UBQLN4: variants seen among roughly 807,000 people sequenced by gnomAD.
The protein encoded by UBQLN4 is ubiquilin-4.
Under a neutral mutation model 60.4 loss-of-function variants are expected in UBQLN4, and 11 were observed. The observed-to-expected ratio is 0.18, with a 90% CI of 0.11 to 0.30. The LOEUF is 0.30. Among genes scored for constraint, UBQLN4 ranks in the 10% least tolerant of loss-of-function variants. The pLI is 1.00. For synonymous variants in UBQLN4, 258 were observed against 313.1 expected (o/e 0.82, Z 1.86); for missense variants, 417 against 795.5 (o/e 0.52, Z 5.72).
rs1280206094 is a variant in UBQLN4 at position 156,048,851 on chromosome 1, C to T, written c.742-192G>A. Among the ~76,000 whole-genome samples the T allele has an allele frequency of 6.6e-6, 1 of 152,176 alleles. No homozygotes were observed. The highest frequency in any genetic ancestry group is 1.5e-5 in the Non-Finnish European group (1 of 68,024). ...TAATCTTGGCTCCAAGCCCGCCTCC[C>T]TGTGGGTATTTTGGTTGGCTTTTTC... On this transcript the variant is annotated intron_variant, in intron 4 of 10. Transcript: ENST00000368309. This position sits in a 1 kb window ranked among gnomAD's most constrained non-coding sequence, Gnocchi z 4.9.
downstream of UBQLN4, chr1:156,033,165 G>A: frequency 2.1e-6 from 2 of 971,110 alleles, no homozygotes; most frequent in South Asian, 9.5e-5. Context: ...GTCAGTGGAG[G>A]AAAACAAGGC....
At chr1:156,046,986 G>A (rs1459002094) in intron 5 of UBQLN4, among the ~76,000 whole-genome samples, 1 of 152,162 alleles carries the variant, frequency 6.6e-6, no homozygotes, top group East Asian at 1.9e-4. Flanking sequence ...CAGCATACTA[G>A]TTACCTCTGG....
In UBQLN4 at chr1:156,050,150, G is replaced by T; in HGVS notation, c.741+141C>A. The T allele has an allele frequency of 8.4e-7, 1 of 1,183,514 alleles. No homozygotes were observed. The highest frequency in any genetic ancestry group is 1.1e-6 in the Non-Finnish European group (1 of 882,552). 73.3% of individuals were successfully genotyped at this position (1,183,514 alleles called of 1,614,324 possible). A position where few individuals can be genotyped will look rare whatever the true frequency, so the allele number is the denominator to read the frequency against. On this transcript the variant is annotated intron_variant, in intron 4 of 10. Transcript: ENST00000368309. This position sits in a 1 kb window ranked among gnomAD's most constrained non-coding sequence, Gnocchi z 4.6. ...CTGGAATTCCTGAAAAGCTAGGCCT[G>T]TCTTTTCATCCCTGTACCTCCAGTG...
chr1:156,042,528 C>G (rs1683595422), intron 7 of UBQLN4: 1 of 1,142,526 alleles, frequency 8.8e-7, no homozygotes, highest in Non-Finnish European at 1.2e-6. Context: ...ATGTTCTAAG[C>G]ACTTAACGTG....
intron 10 of UBQLN4, among the ~76,000 whole-genome samples, chr1:156,040,780 C>T (rs115819641): frequency 5.8e-4 from 89 of 152,316 alleles, no homozygotes; most frequent in Non-Finnish European, 8.8e-4. Flanking sequence ...TGGGTTGCAC[C>T]TGGACTGGAC....
chr1:156,040,440 C>A (rs1683531880), intron 10 of UBQLN4, among the ~76,000 whole-genome samples: 1 of 105,640 alleles, frequency 9.5e-6, no homozygotes, highest in African/African-American at 3.2e-5. Context: ...ACAGTCCACA[C>A]ATTTTTTTTT....
chr1:156,033,298 A>G, downstream of UBQLN4: 2 of 985,428 alleles, frequency 2.0e-6, no homozygotes, highest in African/African-American at 1.7e-5. Flanking sequence ...CCAGAAGAGC[A>G]GAGTGTAATC....
At chr1:156,052,700 G>A (rs1202196942) in intron 1 of UBQLN4, among the ~76,000 whole-genome samples, 1 of 152,180 alleles carries the variant, frequency 6.6e-6, no homozygotes, top group Non-Finnish European at 1.5e-5. Context: ...CAGAACTCAG[G>A]TCTTGACACC....
At chr1:156,047,394 C>T (rs1286941334) in intron 5 of UBQLN4, among the ~76,000 whole-genome samples, 2 of 151,724 alleles carry the variant, frequency 1.3e-5, no homozygotes, top group Non-Finnish European at 2.9e-5. Flanking sequence ...CAGGCATGTG[C>T]CATCATGCCC....
At chr1:156,032,001 A>AAATATGAACAAGCAGGATTGTTCT (rs1683306506), downstream of UBQLN4, among the ~76,000 whole-genome samples, 1 of 152,060 alleles carries the variant, frequency 6.6e-6, no homozygotes, top group South Asian at 2.1e-4. Flanking sequence ...AGGATTGTTC[A>AAATATGAACAAGCAGGATTGTTCT]AATATGAACA....
rs1171986770 is a variant in UBQLN4, at chr1:156,051,226, G to A, written c.362C>T (p.Pro121Leu). The A allele has an allele frequency of 6.2e-7, 1 of 1,607,042 alleles. No homozygotes were observed. Among genetic ancestry groups the A allele is most frequent in the Non-Finnish European group, 8.5e-7 (1 of 1,176,638 alleles). ...TGAAGAGGCACTGCCAGAGGTGGAG[G>A]GCTGGGCAGGGGTGGCGGGTGAAGC... ...TPASPATPAQPSTSGSASSDA... is the reference protein window; with the variant it reads ...TPASPATPAQLSTSGSASSDA... Residue 121 changes from proline to leucine, a missense_variant, in exon 3 of 11, where the codon CCC becomes CTC. Transcript: ENST00000368309.
In UBQLN4 at chr1:156,036,439, G is replaced by C; in HGVS notation, c.*539C>G. 1 of 985,866 alleles carries C rather than the reference G, an allele frequency of 1.0e-6. No individual in the cohort carries two copies. The highest frequency in any genetic ancestry group is 1.2e-6 in the Non-Finnish European group (1 of 830,200). The allele number at this position is 985,866 out of a possible 1,614,324, so 61.1% of individuals were successfully genotyped here. The stretch of plus-strand genomic sequence containing the variant: ...CCAACAGTTCCCACCAAAAAGTGCT[G>C]AATGAACCAGAATAGGGGCCGAGAA... On this transcript the variant is annotated 3_prime_UTR_variant, in exon 11 of 11. Transcript: ENST00000368309.
Position 156,035,504 on chromosome 1 carries a change from A to G in UBQLN4, c.*1474T>C, listed in dbSNP as rs1683377538. On this transcript the variant is annotated 3_prime_UTR_variant, in exon 11 of 11. Transcript: ENST00000368309. The stretch of plus-strand genomic sequence containing the variant: ...GGCCAAGTAGGAGAGGGAAGAGGTG[A>G]TATGAGCCTCCTCTGTGCTCTGACA... 2 of 985,296 alleles carry G rather than the reference A, an allele frequency of 2.0e-6. No homozygotes were observed. Among genetic ancestry groups the G allele is most frequent in the African/African-American group, 3.5e-5 (2 of 57,190 alleles). 61.0% of individuals were successfully genotyped at this position (985,296 alleles called of 1,614,324 possible).
chr1:156,032,103 A>C (rs1683307961), downstream of UBQLN4, among the ~76,000 whole-genome samples: 1 of 150,948 alleles, frequency 6.6e-6, no homozygotes, highest in Non-Finnish European at 1.5e-5. Flanking sequence ...TCTGCCGCCC[A>C]GCGACTCTCC....
chr1:156,040,812 G>A (rs995245958), intron 10 of UBQLN4, among the ~76,000 whole-genome samples: 1 of 152,176 alleles, frequency 6.6e-6, no homozygotes, highest in African/African-American at 2.4e-5. Flanking sequence ...TAGCTCTCTC[G>A]TGCCTTGCAC....
In UBQLN4 at chr1:156,051,140, C is replaced by T; in HGVS notation, c.448G>A (p.Gly150Arg). The T allele has an allele frequency of 6.2e-7, 1 of 1,612,960 alleles. No individual in the cohort carries two copies. The highest frequency in any genetic ancestry group is 8.5e-7 in the Non-Finnish European group (1 of 1,179,478). Residue 150 changes from glycine (G) to arginine (R), a missense_variant, in exon 3 of 11, where the codon GGA becomes AGA. Physicochemically the swap from Gly to Arg is moderately radical, Grantham distance 125. Coordinates refer to ENST00000368309, the MANE Select transcript of UBQLN4 (RefSeq NM_020131.5). ...GGGPSPGAGE[G>R]SPSATASILS... is the part of the protein sequence containing the mutation. ...ATGGACGCAGTAGCACTGGGGGATC[C>T]CTCCCCAGCCCCCGGAGAGGGCCCC...
chr1:156,039,123 T>G (rs1683480055), intron 10 of UBQLN4, among the ~76,000 whole-genome samples: 1 of 151,648 alleles, frequency 6.6e-6, no homozygotes, highest in African/African-American at 2.4e-5. Context: ...AGAAAAAAAT[T>G]TTTACAGACT....
chr1:156,052,899 C>T (rs1398707897), intron 1 of UBQLN4, among the ~76,000 whole-genome samples: 1 of 152,168 alleles, frequency 6.6e-6, no homozygotes, highest in Non-Finnish European at 1.5e-5. Flanking sequence ...AAACAAAACA[C>T]AACACACACT....
At chr1:156,049,265 A>C (rs919543897) in intron 4 of UBQLN4, among the ~76,000 whole-genome samples, 1 of 152,192 alleles carries the variant, frequency 6.6e-6, no homozygotes, top group African/African-American at 2.4e-5. Flanking sequence ...TTCCTGGTAA[A>C]TGACTGCAAG....
Sources: gnomAD v4.1 joint callset for allele counts (sites outside exome capture counted in the v4.1 genomes callset) on GRCh38, gnomAD v4.1.1 for gene constraint, Gnocchi (gnomAD v3.1) non-coding constraint, MANE v1.5 for transcripts, NCBI Gene and HGNC (gene_info 2026-07-23, HGNC 2026-07-21) for gene names.